The following CBLN2 variants were observed in gnomAD, a reference collection of about 807,000 sequenced individuals.
CBLN2 encodes the protein cerebellin-2.
Under a neutral mutation model 15.0 loss-of-function variants are expected in CBLN2, and 7 were observed. The ratio of observed to expected loss-of-function variants is 0.47; its 90% CI spans 0.27 to 0.88. The LOEUF is 0.88. Among genes scored for constraint, CBLN2 ranks in the 40% least tolerant of loss-of-function variants. The pLI, the probability that CBLN2 is intolerant of heterozygous loss-of-function variation, is 0.14. For synonymous variants in CBLN2, 149 were observed against 135.2 expected, an observed-to-expected ratio of 1.10 and a Z score of -0.71; for missense variants, 242 against 304.5, an observed-to-expected ratio of 0.79 and a Z score of 1.53.
At chr18:72,622,724 A>T (rs2144968487) in intron 1 of CBLN2, among the ~76,000 whole-genome samples, 1 of 152,278 alleles carries the variant, frequency 6.6e-6, no homozygotes, top group Non-Finnish European at 1.5e-5. Context: ...TTAAGAATGC[A>T]CTGTCTTTGA....
chr18:72,543,457 G>A lies in CBLN2; in HGVS notation c.-167+29C>T. On this transcript the variant is annotated intron_variant, in intron 2 of 4. Coordinates refer to ENST00000269503, the MANE Select transcript of CBLN2 (RefSeq NM_182511.4). The surrounding 1 kb of genome is among the most constrained non-coding windows in gnomAD (Gnocchi z 6.8). The stretch of plus-strand genomic sequence containing the variant: ...ATCCACGCAGAAGGCGCTTGCATGC[G>A]GAGGGGAGGGCAGGTCGGGGGTGGT... 2.5e-6 allele frequency: 1 copy of A among 398,740 alleles called. No homozygotes were observed. The highest frequency in any genetic ancestry group is 4.4e-6 in the Non-Finnish European group (1 of 226,270). The allele number at this position is 398,740 out of a possible 1,614,324, so 24.7% of individuals were successfully genotyped here. A position where few individuals can be genotyped will look rare whatever the true frequency, so the allele number is the denominator to read the frequency against.
chr18:72,612,379 A>G lies in CBLN2; in HGVS notation c.15+25946T>C, dbSNP rs1419979242. On this transcript the variant is annotated intron_variant, in intron 1 of 2. Coordinates refer to the CBLN2 transcript ENST00000581073. ...GTGTGTGCACATGCAAGTGCACATG[A>G]ACACTCACATTTGTTGTGTGTCTGC... Among the ~76,000 whole-genome samples, 3 of 152,278 alleles carry G rather than the reference A, an allele frequency of 2.0e-5. No homozygotes were observed. In the East Asian group the frequency reaches 5.8e-4, roughly 29 times the overall value.
chr18:72,579,236 G>T (rs915780075), intron 1 of CBLN2, among the ~76,000 whole-genome samples: 1 of 152,042 alleles, frequency 6.6e-6, no homozygotes, highest in African/African-American at 2.4e-5. Flanking sequence ...ACATGAATAA[G>T]AATTCCCACT....
rs147339006 is a variant in CBLN2 at position 72,611,925 on chromosome 18, G to A, written c.15+26400C>T. Reference sequence around the variant, plus strand: ...TTGAGTTAACTTTGGGATATGGTGAGAGATAAAGATCCAGTTTCATTCTTC... The same window carrying A: ...TTGAGTTAACTTTGGGATATGGTGAAAGATAAAGATCCAGTTTCATTCTTC... On this transcript the variant is annotated intron_variant, in intron 1 of 2. Transcript: ENST00000581073. Among the ~76,000 whole-genome samples, 19 of 152,236 alleles carry A rather than the reference G, an allele frequency of 1.2e-4. No individual in the cohort carries two copies. The East Asian group carries it at 2.5e-3, about 20-fold the overall frequency.
intron 1 of CBLN2, among the ~76,000 whole-genome samples, chr18:72,583,668 T>C (rs2144921338): frequency 6.6e-6 from 1 of 152,262 alleles, no homozygotes; most frequent in East Asian, 1.9e-4. Context: ...CCCAGAATTC[T>C]ATTAATCTCT....
chr18:72,589,962 A>C (rs900793028), intron 1 of CBLN2, among the ~76,000 whole-genome samples: 1 of 151,562 alleles, frequency 6.6e-6, no homozygotes, highest in African/African-American at 2.4e-5. Flanking sequence ...GTGAAACCCT[A>C]TCTCTACTAA....
chr18:72,549,795 A>G (rs1218905804), intron 1 of CBLN2, among the ~76,000 whole-genome samples: 3 of 152,216 alleles, frequency 2.0e-5, no homozygotes, highest in Non-Finnish European at 4.4e-5. Context: ...ATCATCCTGT[A>G]TAAGATTATT....
At chr18:72,607,679 C>T (rs1012656967) in intron 1 of CBLN2, among the ~76,000 whole-genome samples, 1 of 97,340 alleles carries the variant, frequency 1.0e-5, no homozygotes, top group Non-Finnish European at 1.8e-5. Context: ...ATGTAGATAC[C>T]TCTCTCTCTC....
chr18:72,542,782 T>A (rs139678127), intron 2 of CBLN2, among the ~76,000 whole-genome samples: 1 of 152,236 alleles, frequency 6.6e-6, no homozygotes, highest in African/African-American at 2.4e-5. Flanking sequence ...CCTCTATTTT[T>A]CAATCCTCGA....
chr18:72,538,061 A>G lies in CBLN2; in HGVS notation c.*115T>C, dbSNP rs924115858. 3 of 1,012,282 alleles carry G rather than the reference A, an allele frequency of 3.0e-6. No homozygotes were observed. The highest frequency in any genetic ancestry group is 4.5e-6 in the Non-Finnish European group (3 of 666,096). 62.7% of individuals were successfully genotyped at this position (1,012,282 alleles called of 1,614,324 possible). On this transcript the variant is annotated 3_prime_UTR_variant, in exon 5 of 5. Transcript: ENST00000269503. ...CAAAGGAAATCATTCTTCTACTGCAACAGTCTGACGGAGGTTGGAAACAAG... is the reference window on the plus strand; with the variant it reads ...CAAAGGAAATCATTCTTCTACTGCAGCAGTCTGACGGAGGTTGGAAACAAG...
intron 1 of CBLN2, among the ~76,000 whole-genome samples, chr18:72,564,811 C>A (rs1046356071): frequency 1.3e-4 from 19 of 151,864 alleles, no homozygotes; most frequent in African/African-American, 4.1e-4. Flanking sequence ...CAAAAGTTTT[C>A]AAATAGATTC....
chr18:72,540,996 C>A (rs1338747344), intron 3 of CBLN2, among the ~76,000 whole-genome samples: 1 of 152,140 alleles, frequency 6.6e-6, no homozygotes, highest in Non-Finnish European at 1.5e-5. Flanking sequence ...GAGCAGGACA[C>A]AAAAAGAAGG....
At chr18:72,614,015 G>C (rs967881438) in intron 1 of CBLN2, among the ~76,000 whole-genome samples, 1 of 152,154 alleles carries the variant, frequency 6.6e-6, no homozygotes, top group Admixed American at 6.6e-5. Flanking sequence ...CCCTGTCAGA[G>C]AGATTTTCTA....
At chr18:72,569,653 A>G (rs1490643762) in intron 1 of CBLN2, among the ~76,000 whole-genome samples, 2 of 152,150 alleles carry the variant, frequency 1.3e-5, no homozygotes, top group African/African-American at 4.8e-5. Flanking sequence ...CAGGCCCCAC[A>G]CATGGCGAAG....
intron 1 of CBLN2, among the ~76,000 whole-genome samples, chr18:72,565,697 C>T (rs1173074028): frequency 6.6e-6 from 1 of 152,086 alleles, no homozygotes; most frequent in East Asian, 1.9e-4. Flanking sequence ...CACCAGAACA[C>T]AAAGGTAAAT....
At chr18:72,584,254 ACTCTTTATCATACCACACCACC>A (rs1336857003) in intron 1 of CBLN2, among the ~76,000 whole-genome samples, 1 of 150,720 alleles carries the variant, frequency 6.6e-6, no homozygotes, top group Non-Finnish European at 1.5e-5. Context: ...TCCTCCTGTC[ACTCTTTATCATACCACACCACC>A]CTCTTGGCTC....
At chr18:72,569,309 A>T (rs2069315390) in intron 1 of CBLN2, among the ~76,000 whole-genome samples, 1 of 152,176 alleles carries the variant, frequency 6.6e-6, no homozygotes, top group Admixed American at 6.5e-5. Flanking sequence ...AGATAGCTGT[A>T]TTTACTAAAA....
chr18:72,542,565 G>T (rs1340824122), intron 2 of CBLN2, among the ~76,000 whole-genome samples: 1 of 152,124 alleles, frequency 6.6e-6, no homozygotes, highest in Non-Finnish European at 1.5e-5. Flanking sequence ...GAGGGAGGGG[G>T]CCGCGCTTCT....
intron 1 of CBLN2, among the ~76,000 whole-genome samples, chr18:72,619,532 T>A (rs1427836468): frequency 6.6e-6 from 1 of 152,200 alleles, no homozygotes; most frequent in South Asian, 2.1e-4. Flanking sequence ...AATAATCTGA[T>A]CACGATGCTG....
Sources: gnomAD v4.1 joint callset for allele counts (sites outside exome capture counted in the v4.1 genomes callset) on GRCh38, gnomAD v4.1.1 for gene constraint, Gnocchi (gnomAD v3.1) non-coding constraint, MANE v1.5 for transcripts, NCBI Gene and HGNC (gene_info 2026-07-23, HGNC 2026-07-21) for gene names.